Variants in ILDR2 observed in about 807,000 individuals in gnomAD.
ILDR2 encodes immunoglobulin like domain containing receptor 2, also known as immunoglobulin-like domain-containing receptor 2.
In ILDR2, 25 loss-of-function variants were observed where a neutral mutation model predicts 66.8. That is an observed-to-expected ratio of 0.37 (90% CI 0.27 to 0.52). The LOEUF (loss-of-function observed/expected upper bound fraction) is 0.52. ILDR2 is among the 20% of genes least tolerant of loss of function. The probability of loss-of-function intolerance (pLI) is 0.88; values close to 1 mark genes in which losing one functional copy is unlikely to be tolerated. For synonymous variants in ILDR2, 367 were observed against 357.2 expected (o/e 1.03, Z -0.31); for missense variants, 827 against 876.8 (o/e 0.94, Z 0.72).
chr1:166,906,732 C>T (rs926209226), downstream of ILDR2, among the ~76,000 whole-genome samples: 12 of 152,202 alleles, frequency 7.9e-5, no homozygotes, highest in Non-Finnish European at 1.3e-4. Flanking sequence ...TTAATTTCAA[C>T]TGAACCACTT....
In ILDR2 at chr1:166,939,491, TAAAG is replaced by T. The variant is rs2101914762; in HGVS notation, c.556+19_556+22del. ...ATGGAATAACAGCAAATCAAGCAAA[TAAAG>T]AGTTAAATGACCGAATACCTGGCAT... is the stretch of plus-strand genomic sequence containing the variant. On this transcript the variant is annotated intron_variant, in intron 4 of 9. Transcript: ENST00000271417. 6.2e-7 allele frequency: 1 copy of T among 1,602,590 alleles called. No individual in the cohort carries two copies. Among genetic ancestry groups the T allele is most frequent in the South Asian group, 1.1e-5 (1 of 90,750 alleles).
At chr1:166,969,088 T>C (rs541867634) in intron 1 of ILDR2, among the ~76,000 whole-genome samples, 1 of 152,216 alleles carries the variant, frequency 6.6e-6, no homozygotes, top group Non-Finnish European at 1.5e-5. Flanking sequence ...AACAACCCTA[T>C]AAGGTAGGTT....
intron 3 of ILDR2, among the ~76,000 whole-genome samples, chr1:166,953,535 T>C (rs567719547): frequency 1.2e-4 from 19 of 152,332 alleles, no homozygotes; most frequent in African/African-American, 3.8e-4. Flanking sequence ...GCTACAGCAG[T>C]TGACTCTTTC....
chr1:166,945,706 A>G (rs1268443136), intron 3 of ILDR2, among the ~76,000 whole-genome samples: 2 of 152,234 alleles, frequency 1.3e-5, no homozygotes, highest in Non-Finnish European at 2.9e-5. Context: ...CAATCACTTG[A>G]TAACACATTG....
At chr1:166,954,007 G>C (rs535635519) in intron 3 of ILDR2, among the ~76,000 whole-genome samples, 1 of 152,242 alleles carries the variant, frequency 6.6e-6, no homozygotes, top group African/African-American at 2.4e-5. Context: ...TATCTAGCCA[G>C]ACAGAGTATG....
rs1659894582 is a variant in ILDR2 at position 166,920,992 on chromosome 1, C to T, written c.1599G>A (p.Arg533=). Residue 533 remains arginine (R), a synonymous_variant, in exon 9 of 10, where the codon CGG becomes CGA. Coordinates refer to ENST00000271417, the MANE Select transcript of ILDR2 (RefSeq NM_199351.3). ...CGCCCTCGGGCCGCGCCTGGCGCTC[C>T]CGCGCGCTGCCCAGGTACGAGTGGT... ...KYDHSYLGSA[R]ERQARPEGAS... 6.7e-7 allele frequency: 1 copy of T among 1,498,224 alleles called. No individual in the cohort carries two copies. The allele number at this position is 1,498,224 out of a possible 1,614,324, so 92.8% of individuals were successfully genotyped here.
intron 1 of ILDR2, among the ~76,000 whole-genome samples, chr1:166,974,204 C>T (rs1438323370): frequency 7.2e-5 from 11 of 152,094 alleles, no homozygotes; most frequent in Non-Finnish European, 5.9e-5. Flanking sequence ...TTTCTGATCC[C>T]TTTTTCCATT....
chr1:166,904,494 T>C (rs1659309793), downstream of ILDR2, among the ~76,000 whole-genome samples: 2 of 152,218 alleles, frequency 1.3e-5, no homozygotes, highest in African/African-American at 2.4e-5. Flanking sequence ...ACAATCTCCA[T>C]AGTTGTTTAC....
chr1:166,940,349 T>C (rs1402756748), intron 3 of ILDR2, among the ~76,000 whole-genome samples: 1 of 152,198 alleles, frequency 6.6e-6, no homozygotes, highest in Non-Finnish European at 1.5e-5. Context: ...GTTTTAAAAC[T>C]AGCCTGATTT....
chr1:166,920,565 G>T, intron 9 of ILDR2, 142 bp downstream of exon 9: 1 of 933,810 alleles, frequency 1.1e-6, no homozygotes, highest in Admixed American at 4.2e-5. Flanking sequence ...GGACGAACTC[G>T]CCCAGGCAGG....
chr1:166,943,263 C>T (rs892529669), intron 3 of ILDR2, among the ~76,000 whole-genome samples: 7 of 152,154 alleles, frequency 4.6e-5, no homozygotes, highest in East Asian at 1.9e-4. Flanking sequence ...GAGGCAGAGG[C>T]GGGCGGATCA....
At chr1:166,972,014 C>A (rs1663326975) in intron 1 of ILDR2, among the ~76,000 whole-genome samples, 1 of 152,038 alleles carries the variant, frequency 6.6e-6, no homozygotes, top group African/African-American at 2.4e-5. Context: ...GAGTTTGAGA[C>A]CCACGTAGCC....
At chr1:166,922,849 T>C in intron 7 of ILDR2, 40 bp from the exon 8 acceptor site, 1 of 1,543,780 alleles carries the variant, frequency 6.5e-7, no homozygotes, top group Non-Finnish European at 9.0e-7. Flanking sequence ...CTTTTTGTGT[T>C]ACTCTGTTTT....
chr1:166,969,779 G>T (rs141388814), intron 1 of ILDR2, among the ~76,000 whole-genome samples: 1 of 152,322 alleles, frequency 6.6e-6, no homozygotes, highest in Non-Finnish European at 1.5e-5. Context: ...AACCAGAAAA[G>T]AATGTTTCCC....
intron 1 of ILDR2, among the ~76,000 whole-genome samples, chr1:166,968,551 A>G (rs1410833202): frequency 6.6e-6 from 1 of 152,152 alleles, no homozygotes; most frequent in East Asian, 1.9e-4. Context: ...TTGACAGATT[A>G]TAGTATTTAT....
intron 4 of ILDR2, among the ~76,000 whole-genome samples, chr1:166,938,144 T>C (rs1018825147): frequency 5.3e-5 from 8 of 152,214 alleles, no homozygotes; most frequent in Admixed American, 3.3e-4. Flanking sequence ...AGAGCATTCA[T>C]GCCGAGGACA....
intron 3 of ILDR2, among the ~76,000 whole-genome samples, chr1:166,948,367 G>A (rs571545960): frequency 6.6e-6 from 1 of 152,280 alleles, no homozygotes; most frequent in Admixed American, 6.5e-5. Flanking sequence ...TGGATGATAA[G>A]TTGTAAAGTC....
exon 3 of ILDR2, chr1:166,895,925 C>T (rs1659159424): frequency 6.6e-6 from 1 of 152,150 alleles, no homozygotes; most frequent in Non-Finnish European, 1.5e-5. Context: ...TCTGTGTTCT[C>T]ATGTCTTCAT....
chr1:166,906,092 G>T (rs943009140), downstream of ILDR2, among the ~76,000 whole-genome samples: 5 of 152,174 alleles, frequency 3.3e-5, no homozygotes, highest in African/African-American at 1.2e-4. Context: ...TATTCAACCT[G>T]CATGGGAGTG....
Sources: allele counts gnomAD v4.1 joint callset (sites outside exome capture counted in the v4.1 genomes callset), GRCh38; gene constraint gnomAD v4.1.1; transcripts MANE v1.5; gene names NCBI Gene and HGNC (gene_info 2026-07-23, HGNC 2026-07-21).